The following C4orf50 variants were observed in gnomAD, a reference collection of about 807,000 sequenced individuals.
C4orf50 encodes the protein uncharacterized protein C4orf50.
C4orf50 carries 80 observed loss-of-function variants against 77.2 expected under a neutral mutation model. The ratio of observed to expected loss-of-function variants is 1.04; its 90% CI spans 0.87 to 1.25. The LOEUF (loss-of-function observed/expected upper bound fraction) is 1.25, where lower values mean the gene tolerates loss of function less well. Ranked by LOEUF, C4orf50 falls within the 50% of genes most tolerant of loss-of-function variation. The pLI, the probability that C4orf50 is intolerant of heterozygous loss-of-function variation, is 0.00. For synonymous variants in C4orf50, 532 were observed against 465.3 expected, an observed-to-expected ratio of 1.14 and a Z score of -1.84; for missense variants, 1,257 against 1,152.9, an observed-to-expected ratio of 1.09 and a Z score of -1.31.
intron 31 of C4orf50, among the ~76,000 whole-genome samples, chr4:5,971,125 G>T (rs1187563565): frequency 6.6e-6 from 1 of 152,182 alleles, no homozygotes; most frequent in Admixed American, 6.5e-5. Flanking sequence ...CCCAGGACCT[G>T]TCCCTTGCTG....
At chr4:5,937,004 G>A (rs57091136) in intron 7 of C4orf50, among the ~76,000 whole-genome samples, 13,252 of 151,666 alleles carry the variant, frequency 0.087, 1,579 homozygotes, top group African/African-American at 0.27. Flanking sequence ...AATTCTATAT[G>A]AAGCTAAATG....
chr4:5,965,117 C>T (rs1488979167), exon 33 of C4orf50: 2 of 1,613,178 alleles, frequency 1.2e-6, no homozygotes, highest in South Asian at 1.1e-5. Flanking sequence ...GGACACTGTC[C>T]ATTTCAGGAT....
At chr4:5,909,942 GC>G (rs1295350470) in intron 7 of C4orf50, among the ~76,000 whole-genome samples, 1 of 152,144 alleles carries the variant, frequency 6.6e-6, no homozygotes, top group African/African-American at 2.4e-5. Flanking sequence ...GGGGTGTGGA[GC>G]CCCCAGCATT....
At chr4:5,959,737 G>A in intron 33 of C4orf50, 111 bp from the exon 12 acceptor site, 2 of 1,350,034 alleles carry the variant, frequency 1.5e-6, no homozygotes, top group South Asian at 3.0e-5. Context: ...AACGGTTTCG[G>A]GGCACTTTCT....
intron 23 of C4orf50, among the ~76,000 whole-genome samples, chr4:6,013,695 C>A (rs554991154): frequency 6.6e-6 from 1 of 152,148 alleles, no homozygotes; most frequent in African/African-American, 2.4e-5. Flanking sequence ...GACACCAACA[C>A]GCGATTGCAT....
At chr4:6,004,146 A>G (rs1722056416) in intron 25 of C4orf50, among the ~76,000 whole-genome samples, 2 of 115,340 alleles carry the variant, frequency 1.7e-5, no homozygotes, top group Non-Finnish European at 3.5e-5. Flanking sequence ...GATGGTGATG[A>G]TGGTGATGGT....
chr4:5,954,472 G>GTGTT (rs1419935090), downstream of C4orf50, among the ~76,000 whole-genome samples: 1 of 152,070 alleles, frequency 6.6e-6, no homozygotes, highest in Non-Finnish European at 1.5e-5. The surrounding 1 kb of genome is among the most constrained non-coding windows in gnomAD (Gnocchi z 4.7). Context: ...TAGCAGATGA[G>GTGTT]GGAGGTGATG....
Position 6,009,643 on chromosome 4 carries a change from C to T in C4orf50, c.427-1111G>A, listed in dbSNP as rs559966974. On this transcript the variant is annotated intron_variant, in intron 24 of 33. Transcript: ENST00000531445. The surrounding 1 kb of genome is among the most constrained non-coding windows in gnomAD (Gnocchi z 5.6). ...GAATGACCGCAGGTCACTACAGAAACGAGGCATCTTCATATGCAAATGCTT... is the reference window on the plus strand; with the variant it reads ...GAATGACCGCAGGTCACTACAGAAATGAGGCATCTTCATATGCAAATGCTT... Among the ~76,000 whole-genome samples, 115 of 152,292 alleles carry T rather than the reference C, an allele frequency of 7.6e-4. No individual in the cohort carries two copies. The highest frequency in any genetic ancestry group is 2.4e-3 in the African/African-American group (101 of 41,564).
intron 7 of C4orf50, among the ~76,000 whole-genome samples, chr4:5,912,088 C>CAAAA (rs59166327): frequency 0.95 from 144,943 of 152,268 alleles, 69,033 homozygotes; most frequent in East Asian, 1. Context: ...CACAAACAAA[C>CAAAA]ACAAACAAAC....
chr4:5,906,289 A>G (rs1577871072), intron 7 of C4orf50, among the ~76,000 whole-genome samples: 1 of 152,060 alleles, frequency 6.6e-6, no homozygotes, highest in African/African-American at 2.4e-5. Context: ...GGGGAAAGGA[A>G]GGAAGAAAAT....
intron 7 of C4orf50, among the ~76,000 whole-genome samples, chr4:5,943,824 G>A (rs1718370171): frequency 6.6e-6 from 1 of 152,204 alleles, no homozygotes; most frequent in Non-Finnish European, 1.5e-5. Context: ...TGTAAGATTA[G>A]ACTCATCGGA....
rs1362750607 is a variant in C4orf50 at position 6,008,549 on chromosome 4, G to A, written c.427-17C>T. 1 of 397,726 alleles carries A rather than the reference G, an allele frequency of 2.5e-6. No homozygotes were observed. Among genetic ancestry groups the A allele is most frequent in the East Asian group, 3.6e-5 (1 of 28,040 alleles). The allele number at this position is 397,726 out of a possible 1,614,324, so 24.6% of individuals were successfully genotyped here. Reference sequence around the variant, plus strand: ...CTCCCGGATCTACAAGTTGGCGGTGGATGAGGGCGTCAGCAAGCCCAAAGG... The same window carrying A: ...CTCCCGGATCTACAAGTTGGCGGTGAATGAGGGCGTCAGCAAGCCCAAAGG... On this transcript the variant is annotated splice_polypyrimidine_tract_variant and intron_variant, in intron 24 of 33. Transcript: ENST00000531445. The surrounding 1 kb of genome is among the most constrained non-coding windows in gnomAD (Gnocchi z 6.0).
At chr4:5,953,115 C>T (rs1718800891), downstream of C4orf50, among the ~76,000 whole-genome samples, 1 of 152,080 alleles carries the variant, frequency 6.6e-6, no homozygotes, top group Non-Finnish European at 1.5e-5. Context: ...CTCCTCCTGC[C>T]ATAGCAGAGG....
At chr4:5,920,757 T>G (rs995734139) in intron 7 of C4orf50, among the ~76,000 whole-genome samples, 14 of 152,334 alleles carry the variant, frequency 9.2e-5, no homozygotes, top group African/African-American at 3.4e-4. Flanking sequence ...ATTACAGGCG[T>G]GAGCCACAGC....
downstream of C4orf50, among the ~76,000 whole-genome samples, chr4:5,956,087 G>A (rs1210565470): frequency 4.6e-5 from 7 of 152,212 alleles, no homozygotes; most frequent in Non-Finnish European, 8.8e-5. Context: ...GTTGTGAGAA[G>A]TGTGTGGTTA....
chr4:5,937,328 G>A (rs557777304), intron 7 of C4orf50, among the ~76,000 whole-genome samples: 3 of 152,102 alleles, frequency 2.0e-5, no homozygotes, highest in Non-Finnish European at 4.4e-5. Flanking sequence ...GATTCTCTGT[G>A]CGTGAGGAAG....
At chr4:5,974,002 C>A (rs115744537) in intron 30 of C4orf50, among the ~76,000 whole-genome samples, 161 bp from the exon 9 acceptor site, 4,121 of 152,318 alleles carry the variant, frequency 0.027, 170 homozygotes, top group African/African-American at 0.093. Context: ...TCCCTGCCCC[C>A]AGAAGCCAGG....
At chr4:5,951,781 C>T (rs1054236670) in intron 7 of C4orf50, among the ~76,000 whole-genome samples, 9 of 152,122 alleles carry the variant, frequency 5.9e-5, no homozygotes, top group Non-Finnish European at 1.3e-4. Flanking sequence ...GTTCGCTCTC[C>T]GTCCGACCTA....
At position 5,983,450 on chromosome 4, in the gene C4orf50, G is replaced by A. The variant is rs146658112; in HGVS notation, c.3700-3112C>T. Reference sequence around the variant, plus strand: ...CTCTGTCCTGCCTCAAGGCCTGGCCGCTCGCTTTTCCCTCTACCTGGAATG... The same window carrying A: ...CTCTGTCCTGCCTCAAGGCCTGGCCACTCGCTTTTCCCTCTACCTGGAATG... On this transcript the variant is annotated intron_variant, in intron 28 of 33. Coordinates refer to ENST00000531445, the Ensembl canonical transcript of C4orf50. Among the ~76,000 whole-genome samples the A allele has an allele frequency of 7.6e-4, 115 of 152,234 alleles. 1 individual carries two copies. Among genetic ancestry groups the A allele is most frequent in the Non-Finnish European group, 1.3e-3 (89 of 68,018 alleles).
Sources: allele counts gnomAD v4.1 joint callset (sites outside exome capture counted in the v4.1 genomes callset), GRCh38; gene constraint gnomAD v4.1.1; non-coding constraint Gnocchi (gnomAD v3.1); transcripts MANE v1.5; gene names NCBI Gene and HGNC (gene_info 2026-07-23, HGNC 2026-07-21).